The following PRKCA variants were observed in gnomAD, a reference collection of about 807,000 sequenced individuals.
PRKCA encodes protein kinase C alpha type.
A neutral mutation model predicts 87.0 loss-of-function variants in PRKCA; 27 were observed. The ratio of observed to expected loss-of-function variants is 0.31; its 90% CI spans 0.23 to 0.43. PRKCA has a LOEUF of 0.43. Among genes scored for constraint, PRKCA ranks in the 20% least tolerant of loss-of-function variants. The pLI is 1.00. For synonymous variants in PRKCA, 329 were observed against 311.1 expected (o/e 1.06, Z -0.61); for missense variants, 518 against 852.3 (o/e 0.61, Z 4.88).
chr17:66,787,168 T>C, intron 15 of PRKCA, 194 bp downstream of exon 15: 1 of 763,264 alleles, frequency 1.3e-6, no homozygotes, highest in Non-Finnish European at 2.5e-6. Context: ...TGGATTAGTC[T>C]TGGCCTGTTT....
intron 3 of PRKCA, among the ~76,000 whole-genome samples, chr17:66,614,751 T>C (rs1008125510): frequency 2.0e-5 from 3 of 152,200 alleles, no homozygotes; most frequent in African/African-American, 7.2e-5. Context: ...TAAAGCTCTT[T>C]TGGAGGTGTG....
In PRKCA at chr17:66,566,479, G is replaced by GTTTTTTTTTTTTTTTTTTTTTTTT. The variant is rs368602635; in HGVS notation, c.288+70196_288+70197insTTTTTTTTTTTTTTTTTTTTTTTT. ...TTGTGAAGAACTGTTGTTGTTTTTT[G>GTTTTTTTTTTTTTTTTTTTTTTTT]GTTTTTTTTTTTTTTTTTTTTTTGC... On this transcript the variant is annotated intron_variant, in intron 3 of 16. Coordinates refer to ENST00000413366, the MANE Select transcript of PRKCA (RefSeq NM_002737.3). Among the ~76,000 whole-genome samples the GTTTTTTTTTTTTTTTTTTTTTTTT allele has an allele frequency of 5.4e-5, 4 of 74,704 alleles. 2 individuals carry two copies. The highest frequency in any genetic ancestry group is 5.6e-5 in the Non-Finnish European group (2 of 36,004). The allele number at this position is 74,704 out of a possible 152,430, so 49.0% of individuals were successfully genotyped here.
intron 3 of PRKCA, among the ~76,000 whole-genome samples, chr17:66,577,869 C>G (rs1430014828): frequency 6.6e-6 from 1 of 151,946 alleles, no homozygotes; most frequent in Non-Finnish European, 1.5e-5. Context: ...CTGCCCTAGC[C>G]TGTTCCCAGA....
chr17:66,536,356 A>G (rs1967782111), intron 3 of PRKCA, among the ~76,000 whole-genome samples: 1 of 152,342 alleles, frequency 6.6e-6, no homozygotes, highest in South Asian at 2.1e-4. Context: ...TCCTCCACTG[A>G]TCAATCATTC....
Position 66,689,456 on chromosome 17 carries a change from C to CT in PRKCA, c.918+418dup, listed in dbSNP as rs931579883. The stretch of plus-strand genomic sequence containing the variant: ...TGTGTAATCAGGCTATCATCTGAGA[C>CT]TTTTTTTTTCTACAGAAAGTACAAG... On this transcript the variant is annotated intron_variant, in intron 8 of 16. Transcript: ENST00000413366. This position sits in a 1 kb window ranked among gnomAD's most constrained non-coding sequence, Gnocchi z 4.1. 2.4e-4 allele frequency among the ~76,000 whole-genome samples: 37 copies of CT among 151,732 alleles called. No homozygotes were observed. Among genetic ancestry groups the CT allele is most frequent in the South Asian group, 1.9e-3 (9 of 4,780 alleles).
At chr17:66,511,224 A>G (rs574204404) in intron 3 of PRKCA, among the ~76,000 whole-genome samples, 1 of 152,292 alleles carries the variant, frequency 6.6e-6, no homozygotes, top group African/African-American at 2.4e-5. Context: ...TGTTTAAAAC[A>G]TAAGAATTTC....
At chr17:66,376,912 G>A (rs945831378) in intron 2 of PRKCA, among the ~76,000 whole-genome samples, 3 of 152,144 alleles carry the variant, frequency 2.0e-5, no homozygotes, top group African/African-American at 7.2e-5. Context: ...TTCAAGTGGT[G>A]GAGAAGCCCT....
intron 2 of PRKCA, among the ~76,000 whole-genome samples, chr17:66,347,683 C>T (rs1598607314): frequency 6.6e-6 from 1 of 152,216 alleles, no homozygotes; most frequent in South Asian, 2.1e-4. Context: ...ATCAAAGAGC[C>T]TTTAAGTATT....
chr17:66,575,317 GCC>G (rs1472332939), intron 3 of PRKCA, among the ~76,000 whole-genome samples: 1 of 152,232 alleles, frequency 6.6e-6, no homozygotes, highest in Non-Finnish European at 1.5e-5. Flanking sequence ...GGTAGCTCAT[GCC>G]TGTGATCCCA....
intron 2 of PRKCA, among the ~76,000 whole-genome samples, chr17:66,422,176 G>A (rs1046262404): frequency 2.0e-5 from 3 of 152,066 alleles, no homozygotes; most frequent in Non-Finnish European, 4.4e-5. Context: ...TTTCTAAAAG[G>A]TCCTATTTCC....
At chr17:66,782,860 G>T (rs147723409) in intron 14 of PRKCA, among the ~76,000 whole-genome samples, 3 of 152,180 alleles carry the variant, frequency 2.0e-5, no homozygotes, top group Non-Finnish European at 4.4e-5. Context: ...AGAGCCCCAG[G>T]CTCCAAATTC....
rs147194187 is a variant in PRKCA, at chr17:66,552,763, A to G, written c.288+56480A>G. ...TCATTTGAAGTGAGCCACTAGGTCC[A>G]GCCCACACTCAAGGAGAGACTACAC... is the stretch of plus-strand genomic sequence containing the variant. On this transcript the variant is annotated intron_variant, in intron 3 of 16. Coordinates refer to ENST00000413366, the MANE Select transcript of PRKCA (RefSeq NM_002737.3). Among the ~76,000 whole-genome samples, 9 of 152,256 alleles carry G rather than the reference A, an allele frequency of 5.9e-5. 1 individual carries two copies. In the East Asian group the frequency reaches 1.7e-3, roughly 29 times the overall value.
chr17:66,488,918 A>G (rs1300931020), intron 2 of PRKCA, among the ~76,000 whole-genome samples: 2 of 152,198 alleles, frequency 1.3e-5, no homozygotes, highest in African/African-American at 2.4e-5. Flanking sequence ...TTTAACATGC[A>G]GATATAATAT....
chr17:66,653,247 A>G (rs1181731323), intron 5 of PRKCA, among the ~76,000 whole-genome samples: 2 of 152,240 alleles, frequency 1.3e-5, no homozygotes, highest in African/African-American at 4.8e-5. Flanking sequence ...CAGGCAGAAA[A>G]GAAAATGTGA....
intron 8 of PRKCA, among the ~76,000 whole-genome samples, chr17:66,718,652 C>A (rs1861155425): frequency 6.6e-6 from 1 of 152,154 alleles, no homozygotes; most frequent in Non-Finnish European, 1.5e-5. Context: ...GGGCACTAAT[C>A]CCATTCGTGA....
At chr17:66,584,047 A>T (rs910008895) in intron 3 of PRKCA, among the ~76,000 whole-genome samples, 1 of 152,112 alleles carries the variant, frequency 6.6e-6, no homozygotes, top group African/African-American at 2.4e-5. Flanking sequence ...TCACGTTGGG[A>T]CACAAATCCG....
intron 8 of PRKCA, among the ~76,000 whole-genome samples, chr17:66,718,319 T>G (rs1973527934): frequency 6.6e-6 from 1 of 151,980 alleles, no homozygotes; most frequent in African/African-American, 2.4e-5. Context: ...TTATTAAAGT[T>G]TTTATTATTT....
At chr17:66,581,218 C>T (rs1567912378) in intron 3 of PRKCA, among the ~76,000 whole-genome samples, 1 of 152,114 alleles carries the variant, frequency 6.6e-6, no homozygotes, top group East Asian at 1.9e-4. Flanking sequence ...CAGCCAAGGG[C>T]CAGCTAGTAA....
chr17:66,341,680 G>A lies in PRKCA; in HGVS notation c.205+35553G>A, dbSNP rs530314811. Among the ~76,000 whole-genome samples the A allele has an allele frequency of 3.3e-5, 5 of 152,314 alleles. No individual in the cohort carries two copies. In the South Asian group the frequency reaches 1.0e-3, roughly 32 times the overall value. ...GTAATCAATCACTAATAATTAACTAGGTACTTGACCATGCAGGTATGCTCC... is the reference window on the plus strand; with the variant it reads ...GTAATCAATCACTAATAATTAACTAAGTACTTGACCATGCAGGTATGCTCC... On this transcript the variant is annotated intron_variant, in intron 2 of 16. Transcript: ENST00000413366.
Sources: gnomAD v4.1 joint callset for allele counts (sites outside exome capture counted in the v4.1 genomes callset) on GRCh38, gnomAD v4.1.1 for gene constraint, Gnocchi (gnomAD v3.1) non-coding constraint, MANE v1.5 for transcripts, NCBI Gene and HGNC (gene_info 2026-07-23, HGNC 2026-07-21) for gene names.